ZFR2: variants seen among roughly 807,000 people sequenced by gnomAD.
The protein encoded by ZFR2 is zinc finger RNA-binding protein 2.
In ZFR2, 104 loss-of-function variants were observed where a neutral mutation model predicts 105.7. The observed-to-expected ratio is 0.98, with a 90% CI of 0.84 to 1.16. The LOEUF (loss-of-function observed/expected upper bound fraction) is 1.16. Ranked by LOEUF, ZFR2 falls within the 50% of genes most tolerant of loss-of-function variation. ZFR2 has a pLI of 0.00. For synonymous variants in ZFR2, 634 were observed against 597.7 expected (o/e 1.06, Z -0.89); for missense variants, 1,425 against 1,355.5 (o/e 1.05, Z -0.80).
intron 12 of ZFR2, among the ~76,000 whole-genome samples, chr19:3,818,050 G>A (rs2037844982): frequency 6.6e-6 from 1 of 152,272 alleles, no homozygotes; most frequent in Non-Finnish European, 1.5e-5. Context: ...TTCTGTTTGG[G>A]AAGATGAGAC....
In ZFR2 at chr19:3,816,861, C is replaced by T. The variant is rs1321238484; in HGVS notation, c.1932-16G>A. The T allele has an allele frequency of 1.3e-6, 2 of 1,544,706 alleles. No individual in the cohort carries two copies. The highest frequency in any genetic ancestry group is 2.0e-5 in the Admixed American group (1 of 50,822). ...GGCAACGCTGCTGTGGGGACAAAGC[C>T]ACAGACGTGCGCCATCAGCGGAGAG... On this transcript the variant is annotated splice_polypyrimidine_tract_variant and intron_variant, in intron 12 of 18. Transcript: ENST00000262961.
chr19:3,808,971 G>T lies in ZFR2; in HGVS notation c.2446C>A (p.Leu816Met), dbSNP rs142578266. 8 of 1,558,706 alleles carry T rather than the reference G, an allele frequency of 5.1e-6. No homozygotes were observed. The East Asian group carries it at 1.7e-4, about 33-fold the overall frequency. Reference protein sequence around the residue: ...GALPAWAMELLVEKAVSSAAG... With the variant: ...GALPAWAMELMVEKAVSSAAG... ...GCACTGCTCACAGCCTTCTCCACCAGCAGCTCCATGGCCTGGTGGGGACAG... is the reference window on the plus strand; with the variant it reads ...GCACTGCTCACAGCCTTCTCCACCATCAGCTCCATGGCCTGGTGGGGACAG... Residue 816 changes from leucine (L) to methionine (M), a missense_variant, in exon 17 of 19, where the codon CTG (leucine) becomes ATG (methionine). Leu to Met is a conservative substitution (Grantham distance 15). Transcript: ENST00000262961.
Position 3,822,084 on chromosome 19 carries a change from G to A in ZFR2, c.1488C>T (p.Tyr496=), listed in dbSNP as rs747348897. ...HVRGRRHRLQ[Y]RKKVNPDLPI... ...GAGCTCCCCCTGCTGGACGCACCCGGTACTGCAGCCGGTGCCGCCGCCCCC... is the reference window on the plus strand; with the variant it reads ...GAGCTCCCCCTGCTGGACGCACCCGATACTGCAGCCGGTGCCGCCGCCCCC... Residue 496 remains tyrosine (Y), a synonymous_variant, in exon 9 of 19, where the codon TAC becomes TAT. Coordinates refer to ENST00000262961, the MANE Select transcript of ZFR2 (RefSeq NM_015174.2). The A allele has an allele frequency of 2.5e-6, 4 of 1,600,910 alleles. No homozygotes were observed. Among genetic ancestry groups the A allele is most frequent in the Non-Finnish European group, 3.4e-6 (4 of 1,174,878 alleles).
chr19:3,821,310 G>GCC, intron 10 of ZFR2, 30 bp downstream of exon 10: 1 of 1,541,838 alleles, frequency 6.5e-7, no homozygotes, highest in Non-Finnish European at 8.7e-7. Flanking sequence ...CCCTCACCAG[G>GCC]CCCCCTTGCC....
chr19:3,818,959 T>G, intron 12 of ZFR2, 86 bp downstream of exon 12: 1 of 1,494,726 alleles, frequency 6.7e-7, no homozygotes, highest in South Asian at 1.3e-5. Context: ...CCATCAGAGC[T>G]AGGGGTTCCT....
chr19:3,811,431 G>A (rs975739170), intron 14 of ZFR2, 65 bp from the exon 15 acceptor site: 2 of 1,478,630 alleles, frequency 1.4e-6, no homozygotes, highest in African/African-American at 1.4e-5. Context: ...TGCCGACGGG[G>A]TGAGGGGCTC....
Position 3,805,912 on chromosome 19 carries a change from G to A in ZFR2, c.*37C>T. 1 of 1,499,528 alleles carries A rather than the reference G, an allele frequency of 6.7e-7. No individual in the cohort carries two copies. The highest frequency in any genetic ancestry group is 8.9e-7 in the Non-Finnish European group (1 of 1,128,934). 92.9% of individuals were successfully genotyped at this position (1,499,528 alleles called of 1,614,324 possible). On this transcript the variant is annotated 3_prime_UTR_variant, in exon 19 of 19. Transcript: ENST00000262961. The stretch of plus-strand genomic sequence containing the variant: ...CGGCGCGCACACGTCCAGGAGTGCA[G>A]GGATGCAAAGGCCCGCAGGTGGGGG...
rs559874093 is a variant in ZFR2 at position 3,858,908 on chromosome 19, G to T, written c.53+10057C>A. 1.3e-5 allele frequency among the ~76,000 whole-genome samples: 2 copies of T among 152,344 alleles called. No homozygotes were observed. The highest frequency in any genetic ancestry group is 4.8e-5 in the African/African-American group (2 of 41,580). On this transcript the variant is annotated intron_variant, in intron 1 of 18. Coordinates refer to ENST00000262961, the MANE Select transcript of ZFR2 (RefSeq NM_015174.2). The surrounding 1 kb of genome is among the most constrained non-coding windows in gnomAD (Gnocchi z 4.3). ...TTTCTCTATCACCCCCATGGCAGAT[G>T]GAGATGAAGGCTGAGGCCACCCAGC...
chr19:3,827,981 C>T (rs929972831), intron 5 of ZFR2, among the ~76,000 whole-genome samples: 2 of 149,440 alleles, frequency 1.3e-5, no homozygotes, highest in African/African-American at 4.9e-5. Context: ...CCACCACACC[C>T]GGCTAATTTT....
chr19:3,824,563 T>G (rs1302379201), intron 7 of ZFR2, among the ~76,000 whole-genome samples: 1 of 151,934 alleles, frequency 6.6e-6, no homozygotes, highest in Admixed American at 6.6e-5. Context: ...GGGAGCACAG[T>G]GGAGGTGGCA....
rs150723547 is a variant in ZFR2, at chr19:3,848,481, T to C, written c.54-13498A>G. ...ATCCCAGCACTCTGGGAGGCCAAGA[T>C]GGGAGGATCTCTTGAGCCCAAGAGT... On this transcript the variant is annotated intron_variant, in intron 1 of 18. Coordinates refer to ENST00000262961, the MANE Select transcript of ZFR2 (RefSeq NM_015174.2). Among the ~76,000 whole-genome samples the C allele has an allele frequency of 3.5e-3, 530 of 151,442 alleles. 5 individuals carry two copies. The highest frequency in any genetic ancestry group is 0.012 in the African/African-American group (491 of 41,210).
rs1356129012 is a variant in ZFR2, at chr19:3,834,333, C to T, written c.264+440G>A. 9.1e-6 allele frequency among the ~76,000 whole-genome samples: 1 copy of T among 110,296 alleles called. No individual in the cohort carries two copies. Among genetic ancestry groups the T allele is most frequent in the Non-Finnish European group, 2.0e-5 (1 of 49,360 alleles). The allele number at this position is 110,296 out of a possible 152,430, so 72.4% of individuals were successfully genotyped here. On this transcript the variant is annotated intron_variant, in intron 2 of 18. Transcript: ENST00000262961. The surrounding 1 kb of genome is among the most constrained non-coding windows in gnomAD (Gnocchi z 5.3). ...GTGAGGTCGTCAGCACCCAGGTGCA[C>T]CCCACACACCACAGACTCCCTCTTA...
intron 1 of ZFR2, among the ~76,000 whole-genome samples, chr19:3,867,343 G>C (rs1394687944): frequency 6.6e-6 from 1 of 151,800 alleles, no homozygotes; most frequent in Non-Finnish European, 1.5e-5. Flanking sequence ...GCCAGCCCTG[G>C]CTCCCGGACT....
In ZFR2 at chr19:3,820,183, T is replaced by C. The variant is rs1219331087; in HGVS notation, c.1739A>G (p.Gln580Arg). The C allele has an allele frequency of 1.3e-6, 2 of 1,552,042 alleles. No homozygotes were observed. The highest frequency in any genetic ancestry group is 1.7e-6 in the Non-Finnish European group (2 of 1,147,516). ...RPESPASAPL[Q>R]PGRRPASSDD... Reference sequence around the variant, plus strand: ...GCACACAGAGGAAACTGTACCTACCTGGAGTGGGGCGCTGGCGGGTGACTC... The same window carrying C: ...GCACACAGAGGAAACTGTACCTACCCGGAGTGGGGCGCTGGCGGGTGACTC... Residue 580 changes from glutamine to arginine, a missense_variant and splice_region_variant, in exon 11 of 19, where the codon CAG becomes CGG. Gln to Arg is a conservative substitution (Grantham distance 43, BLOSUM62 1). Coordinates refer to ENST00000262961, the MANE Select transcript of ZFR2 (RefSeq NM_015174.2).
rs1202342261 is a variant in ZFR2 at position 3,844,333 on chromosome 19, T to TA, written c.54-9351dup. Among the ~76,000 whole-genome samples, 5 of 151,980 alleles carry TA rather than the reference T, an allele frequency of 3.3e-5. No homozygotes were observed. The East Asian group carries it at 7.7e-4, about 23-fold the overall frequency. ...CTGAATATTATAGGAAAGTAACTTT[T>TA]AAAAAAACATACAAATGAAGTTAAC... On this transcript the variant is annotated intron_variant, in intron 1 of 18. Coordinates refer to ENST00000262961, the MANE Select transcript of ZFR2 (RefSeq NM_015174.2).
intron 12 of ZFR2, among the ~76,000 whole-genome samples, chr19:3,817,142 G>A (rs184980695): frequency 2.4e-4 from 37 of 152,302 alleles, no homozygotes; most frequent in African/African-American, 8.4e-4. Flanking sequence ...GGCCCGCCCC[G>A]CGAGGTCTGG....
intron 1 of ZFR2, among the ~76,000 whole-genome samples, chr19:3,845,527 C>T (rs1599247113): frequency 6.6e-6 from 1 of 150,604 alleles, no homozygotes; most frequent in African/African-American, 2.4e-5. Context: ...TACAAGGTCA[C>T]ACTTTTGTAA....
Position 3,850,900 on chromosome 19 carries a change from C to CAA in ZFR2, c.54-15919_54-15918dup, listed in dbSNP as rs59933286. Among the ~76,000 whole-genome samples, 585 of 92,148 alleles carry CAA rather than the reference C, an allele frequency of 6.3e-3. 2 individuals are homozygous for CAA. Among genetic ancestry groups the CAA allele is most frequent in the African/African-American group, 0.011 (228 of 20,124 alleles). The allele number at this position is 92,148 out of a possible 152,430, so 60.5% of individuals were successfully genotyped here. ...AACCTGGATGACAGGGCAGTCTTTT[C>CAA]AAAAAAAAAAAAAAAAAAAAAAAGA... is the stretch of plus-strand genomic sequence containing the variant. On this transcript the variant is annotated intron_variant, in intron 1 of 18. Transcript: ENST00000262961.
At chr19:3,829,063 G>A (rs1032074280) in intron 5 of ZFR2, among the ~76,000 whole-genome samples, 2 of 150,838 alleles carry the variant, frequency 1.3e-5, no homozygotes, top group African/African-American at 2.4e-5. Context: ...CCAGGTTCAC[G>A]CCATTCTCCT....
Sources: gnomAD v4.1 joint callset for allele counts (sites outside exome capture counted in the v4.1 genomes callset) on GRCh38, gnomAD v4.1.1 for gene constraint, Gnocchi (gnomAD v3.1) non-coding constraint, MANE v1.5 for transcripts, NCBI Gene and HGNC (gene_info 2026-07-23, HGNC 2026-07-21) for gene names.